Variants in NCAM1 observed in about 807,000 individuals in gnomAD.
NCAM1 encodes antigen recognized by monoclonal antibody 5.1H11.
In NCAM1, 14 loss-of-function variants were observed where a neutral mutation model predicts 109.8. The ratio of observed to expected loss-of-function variants is 0.13; its 90% confidence interval spans 0.08 to 0.20. The LOEUF (loss-of-function observed/expected upper bound fraction) is 0.20. Among genes scored for constraint, NCAM1 ranks in the 10% least tolerant of loss-of-function variants. The pLI is 1.00. For missense variants in NCAM1, 774 were observed against 1,109.9 expected, an observed-to-expected ratio of 0.70 and a Z score of 4.30; for synonymous variants, 418 against 442.9, an observed-to-expected ratio of 0.94 and a Z score of 0.70.
intron 1 of NCAM1, among the ~76,000 whole-genome samples, chr11:113,025,606 G>C (rs1427479492): frequency 6.6e-6 from 1 of 151,950 alleles, no homozygotes; most frequent in Non-Finnish European, 1.5e-5. Context: ...CAGAGAAGGG[G>C]GTGGGTGAAC....
chr11:113,000,895 G>GTGTATA (rs1392209232), intron 1 of NCAM1, among the ~76,000 whole-genome samples: 1 of 147,892 alleles, frequency 6.8e-6, no homozygotes, highest in East Asian at 2.0e-4. Flanking sequence ...GTATGTGTAC[G>GTGTATA]TGTATATGTA....
rs1946434468 is a variant in NCAM1, at chr11:113,277,876, A to AAAAAAAAAAAAT, written c.*2489_*2490insAAAAAAAAAAAT. On this transcript the variant is annotated 3_prime_UTR_variant, in exon 20 of 20. Coordinates refer to ENST00000316851, the MANE Select transcript of NCAM1 (RefSeq NM_181351.5). ...AAAAAAAAAAAAAAAAAAAAAAAAA[A>AAAAAAAAAAAAT]GCAATGCTTTCTCTAAAATCAAAGA... is the stretch of plus-strand genomic sequence containing the variant. The AAAAAAAAAAAAT allele has an allele frequency of 6.7e-6, 1 of 150,202 alleles. No homozygotes were observed. The highest frequency in any genetic ancestry group is 1.5e-5 in the Non-Finnish European group (1 of 68,494). 9.3% of individuals were successfully genotyped at this position (150,202 alleles called of 1,614,324 possible). A position where few individuals can be genotyped will look rare whatever the true frequency, so the allele number is the denominator to read the frequency against.
intron 1 of NCAM1, among the ~76,000 whole-genome samples, chr11:112,990,861 T>C (rs1951441862): frequency 6.6e-6 from 1 of 152,222 alleles, no homozygotes; most frequent in Non-Finnish European, 1.5e-5. Context: ...GGCCTTGTGC[T>C]CCAATATTTT....
chr11:113,124,663 C>A (rs1391074226), intron 1 of NCAM1, among the ~76,000 whole-genome samples: 1 of 152,168 alleles, frequency 6.6e-6, no homozygotes, highest in Non-Finnish European at 1.5e-5. Flanking sequence ...AAGGGCTTTC[C>A]TTGGATTATA....
chr11:113,097,197 A>T (rs1414186266), intron 1 of NCAM1, among the ~76,000 whole-genome samples: 4 of 152,230 alleles, frequency 2.6e-5, no homozygotes, highest in East Asian at 1.9e-4. Flanking sequence ...AGCCCTTTCT[A>T]CTTCTTCAAG....
At chr11:113,126,278 A>G (rs933837344) in intron 1 of NCAM1, among the ~76,000 whole-genome samples, 2 of 152,146 alleles carry the variant, frequency 1.3e-5, no homozygotes, top group Non-Finnish European at 2.9e-5. Flanking sequence ...AGTGCCTCCC[A>G]TGTGGCAGGC....
At chr11:112,981,251 C>A (rs186055822) in intron 1 of NCAM1, among the ~76,000 whole-genome samples, 1 of 151,872 alleles carries the variant, frequency 6.6e-6, no homozygotes, top group Non-Finnish European at 1.5e-5. Flanking sequence ...ATTTTGTAAT[C>A]TTTCCTTCAT....
intron 14 of NCAM1, among the ~76,000 whole-genome samples, chr11:113,237,145 A>G (rs1945190698): frequency 6.6e-6 from 1 of 152,176 alleles, no homozygotes; most frequent in Non-Finnish European, 1.5e-5. Flanking sequence ...GAACAAGGGT[A>G]ACAGAGAGAT....
intron 1 of NCAM1, among the ~76,000 whole-genome samples, chr11:113,115,974 A>T (rs1940683165): frequency 6.6e-6 from 1 of 152,212 alleles, no homozygotes; most frequent in Non-Finnish European, 1.5e-5. Flanking sequence ...AAAAAGTTTA[A>T]TTCTTTCTCT....
At chr11:113,050,174 A>T (rs1477931980) in intron 1 of NCAM1, among the ~76,000 whole-genome samples, 1 of 152,068 alleles carries the variant, frequency 6.6e-6, no homozygotes, top group Non-Finnish European at 1.5e-5. Flanking sequence ...AGAATTAATG[A>T]CTGAGGAAAA....
At chr11:113,160,301 G>T (rs1347973507) in intron 1 of NCAM1, among the ~76,000 whole-genome samples, 11 of 152,202 alleles carry the variant, frequency 7.2e-5, no homozygotes, top group Admixed American at 5.2e-4. Flanking sequence ...TGGTGTTTCA[G>T]AGAATGAGAT....
chr11:113,174,157 T>G (rs1293384445), intron 1 of NCAM1, among the ~76,000 whole-genome samples: 1 of 152,114 alleles, frequency 6.6e-6, no homozygotes, highest in Non-Finnish European at 1.5e-5. Flanking sequence ...ATATATCCCC[T>G]CCTGAAGATT....
chr11:112,982,299 A>G (rs549836028), intron 1 of NCAM1, among the ~76,000 whole-genome samples: 1 of 152,046 alleles, frequency 6.6e-6, no homozygotes, highest in African/African-American at 2.4e-5. Context: ...AAAGGAATAG[A>G]TATATCTGAA....
At chr11:113,169,287 T>C (rs1261671774) in intron 1 of NCAM1, among the ~76,000 whole-genome samples, 5 of 152,166 alleles carry the variant, frequency 3.3e-5, no homozygotes, top group Admixed American at 3.3e-4. Context: ...TTGCCTTTAT[T>C]GGTGGAACAA....
chr11:113,231,601 T>G (rs782249364), intron 9 of NCAM1, 44 bp from the exon 10 acceptor site: 5 of 1,597,690 alleles, frequency 3.1e-6, no homozygotes, highest in Non-Finnish European at 4.3e-6. Context: ...CCCTTCACCC[T>G]GCCTTGGGCT....
intron 16 of NCAM1, among the ~76,000 whole-genome samples, chr11:113,259,878 AT>A (rs1439163571): frequency 1.3e-5 from 2 of 151,610 alleles, no homozygotes; most frequent in Non-Finnish European, 2.9e-5. Context: ...TAATTTTTGT[AT>A]TTTTAGTACA....
chr11:113,207,815 C>A lies in NCAM1; in HGVS notation c.747-18C>A, dbSNP rs759560923. ...CTGTGGTCGAAATCATGCTACTTTGCATTTCTACATGCTCTAGGGATGGGG... is the reference window on the plus strand; with the variant it reads ...CTGTGGTCGAAATCATGCTACTTTGAATTTCTACATGCTCTAGGGATGGGG... On this transcript the variant is annotated intron_variant, in intron 6 of 19. Transcript: ENST00000316851. 4.1e-5 allele frequency: 66 copies of A among 1,599,626 alleles called. No individual in the cohort carries two copies. Among genetic ancestry groups the A allele is most frequent in the Non-Finnish European group, 5.6e-5 (66 of 1,171,370 alleles).
chr11:113,008,503 C>T (rs1305424432), intron 1 of NCAM1, among the ~76,000 whole-genome samples: 1 of 152,198 alleles, frequency 6.6e-6, no homozygotes, highest in East Asian at 1.9e-4. Flanking sequence ...TCCTGCAAAA[C>T]TCTCCCCATA....
chr11:112,973,649 T>C (rs1157563153), intron 1 of NCAM1, among the ~76,000 whole-genome samples: 1 of 152,056 alleles, frequency 6.6e-6, no homozygotes, highest in Non-Finnish European at 1.5e-5. Flanking sequence ...ACTAATAGGG[T>C]TATTGTGAGG....
Sources: gnomAD v4.1 joint callset for allele counts (sites outside exome capture counted in the v4.1 genomes callset) on GRCh38, gnomAD v4.1.1 for gene constraint, MANE v1.5 for transcripts, NCBI Gene and HGNC (gene_info 2026-07-23, HGNC 2026-07-21) for gene names.